The following PPHLN1 variants were observed in gnomAD, a reference collection of about 807,000 sequenced individuals.
PPHLN1 encodes periphilin-1.
PPHLN1 carries 29 observed loss-of-function variants against 51.3 expected under a neutral mutation model. The observed-to-expected ratio is 0.57, with a 90% CI of 0.42 to 0.77. The LOEUF is 0.77. PPHLN1 is among the 30% of genes least tolerant of loss of function. The probability of loss-of-function intolerance (pLI) is 0.00; values close to 1 mark genes in which losing one functional copy is unlikely to be tolerated. For missense variants in PPHLN1, 436 were observed against 438.4 expected (o/e 0.99, Z 0.05); for synonymous variants, 147 against 147.8 (o/e 0.99, Z 0.04).
intron 5 of PPHLN1, among the ~76,000 whole-genome samples, chr12:42,376,745 G>T (rs571092250): frequency 6.6e-6 from 1 of 152,066 alleles, no homozygotes; most frequent in African/African-American, 2.4e-5. Context: ...CTGTGATCAC[G>T]CCACTGCACT....
At chr12:42,415,385 T>C (rs2080278786) in intron 9 of PPHLN1, among the ~76,000 whole-genome samples, 3 of 152,312 alleles carry the variant, frequency 2.0e-5, no homozygotes, top group African/African-American at 7.2e-5. Flanking sequence ...TTGGCCAGGC[T>C]GGTCTTGGAA....
chr12:42,396,271 A>G (rs902108118), intron 8 of PPHLN1, among the ~76,000 whole-genome samples: 6 of 151,848 alleles, frequency 4.0e-5, no homozygotes, highest in African/African-American at 1.2e-4. Context: ...TTTTCACAGC[A>G]TGTATTTCAG....
intron 9 of PPHLN1, among the ~76,000 whole-genome samples, chr12:42,408,747 GTAA>G (rs1473827320): frequency 6.6e-6 from 1 of 152,138 alleles, no homozygotes; most frequent in Admixed American, 6.6e-5. Flanking sequence ...GACATTGTCA[GTAA>G]TCAAAATATC....
intron 9 of PPHLN1, among the ~76,000 whole-genome samples, chr12:42,401,543 T>C (rs2139356013): frequency 6.6e-6 from 1 of 151,806 alleles, no homozygotes; most frequent in African/African-American, 2.4e-5. Flanking sequence ...GAGTGAGCAT[T>C]ACCTCCTCAG....
chr12:42,372,248 G>A (rs2075873862), intron 4 of PPHLN1, among the ~76,000 whole-genome samples: 1 of 152,180 alleles, frequency 6.6e-6, no homozygotes, highest in African/African-American at 2.4e-5. Context: ...GCAGAAGAAG[G>A]ATTGATGTGA....
chr12:42,428,605 G>A (rs999688959), intron 9 of PPHLN1, among the ~76,000 whole-genome samples: 1 of 152,056 alleles, frequency 6.6e-6, no homozygotes, highest in African/African-American at 2.4e-5. Flanking sequence ...GTGGACTTTG[G>A]AGACTCAGGG....
chr12:42,332,709 A>G (rs2069951357), intron 1 of PPHLN1: 7 of 1,476,280 alleles, frequency 4.7e-6, no homozygotes, highest in Non-Finnish European at 6.6e-6. Context: ...TCAAGTAAGT[A>G]TAGTATAGTA....
At chr12:42,391,822 A>G (rs2077743946) in intron 7 of PPHLN1, among the ~76,000 whole-genome samples, 1 of 152,232 alleles carries the variant, frequency 6.6e-6, no homozygotes, top group East Asian at 1.9e-4. Context: ...TATACTTCAT[A>G]TAGATATATT....
At chr12:42,400,816 A>G (rs1257946859) in intron 9 of PPHLN1, among the ~76,000 whole-genome samples, 2 of 151,744 alleles carry the variant, frequency 1.3e-5, no homozygotes, top group Non-Finnish European at 2.9e-5. Flanking sequence ...ACACACACAC[A>G]CACACACACA....
intron 1 of PPHLN1, among the ~76,000 whole-genome samples, chr12:42,333,997 G>C (rs1024511234): frequency 1.3e-5 from 2 of 151,834 alleles, no homozygotes; most frequent in Admixed American, 1.3e-4. Flanking sequence ...TTTTCTTCTG[G>C]GTATAGCTAT....
chr12:42,330,305 A>G (rs887444599), intron 1 of PPHLN1, among the ~76,000 whole-genome samples: 5 of 152,144 alleles, frequency 3.3e-5, no homozygotes, highest in Non-Finnish European at 5.9e-5. Flanking sequence ...TCTTACCTCA[A>G]CCGCAAGAGG....
intron 5 of PPHLN1, among the ~76,000 whole-genome samples, chr12:42,384,092 G>A (rs1304532495): frequency 6.6e-6 from 1 of 150,912 alleles, no homozygotes; most frequent in Non-Finnish European, 1.5e-5. Flanking sequence ...CTTGCTGGAT[G>A]CCAGAGAAAG....
intron 1 of PPHLN1, 38 bp downstream of exon 1, chr12:42,326,267 G>A (rs1266013556): frequency 6.6e-6 from 1 of 152,332 alleles, no homozygotes; most frequent in East Asian, 1.9e-4. Context: ...TGGATGCAGA[G>A]CGTGTGCGGG....
chr12:42,446,707 G>A, downstream of PPHLN1: 1 of 1,511,300 alleles, frequency 6.6e-7, no homozygotes, highest in Non-Finnish European at 9.0e-7. Context: ...GGGTGATGTA[G>A]GAGATGGTCA....
At position 42,338,373 on chromosome 12, in the gene PPHLN1, TG is replaced by T. The variant is rs1334862550; in HGVS notation, c.72+2400del. 1.7e-4 allele frequency among the ~76,000 whole-genome samples: 26 copies of T among 152,200 alleles called. 1 individual carries two copies. The highest frequency in any genetic ancestry group is 1.7e-3 in the Admixed American group (26 of 15,284). On this transcript the variant is annotated intron_variant, in intron 2 of 9. Transcript: ENST00000358314. ...GCAGGTTATTGTATCGATTTAAGAT[TG>T]TAAGATGAGTAGTGGATCCAGGGGA...
At chr12:42,330,863 C>G (rs1421718737) in intron 1 of PPHLN1, among the ~76,000 whole-genome samples, 1 of 152,140 alleles carries the variant, frequency 6.6e-6, no homozygotes, top group Non-Finnish European at 1.5e-5. Flanking sequence ...GCACGTGCCA[C>G]CACACCTGGC....
intron 9 of PPHLN1, among the ~76,000 whole-genome samples, chr12:42,414,967 C>T (rs1367873069): frequency 1.3e-5 from 2 of 152,120 alleles, no homozygotes; most frequent in Non-Finnish European, 2.9e-5. Flanking sequence ...ATTAAGGTGT[C>T]AGGGTTTTAA....
intron 2 of PPHLN1, among the ~76,000 whole-genome samples, chr12:42,347,869 G>C (rs1374411647): frequency 1.3e-5 from 2 of 152,122 alleles, no homozygotes; most frequent in African/African-American, 4.8e-5. Context: ...ACCTGGATAA[G>C]ACACGAACGC....
At chr12:42,348,417 C>A (rs906707424) in intron 2 of PPHLN1, among the ~76,000 whole-genome samples, 1 of 151,764 alleles carries the variant, frequency 6.6e-6, no homozygotes, top group Non-Finnish European at 1.5e-5. Flanking sequence ...CCACCATGCC[C>A]GGCCTTAAAC....
Sources: gnomAD v4.1 joint callset for allele counts (sites outside exome capture counted in the v4.1 genomes callset) on GRCh38, gnomAD v4.1.1 for gene constraint, MANE v1.5 for transcripts, NCBI Gene and HGNC (gene_info 2026-07-23, HGNC 2026-07-21) for gene names.